The following LRMDA variants were observed in gnomAD, a reference collection of about 807,000 sequenced individuals.
LRMDA encodes the protein leucine-rich melanocyte differentiation-associated protein.
In LRMDA, 18 loss-of-function variants were observed where a neutral mutation model predicts 29.8. That is an observed-to-expected ratio of 0.60 (90% CI 0.42 to 0.90). The LOEUF (loss-of-function observed/expected upper bound fraction) is 0.90, where lower values mean the gene tolerates loss of function less well. Among genes scored for constraint, LRMDA ranks in the 40% least tolerant of loss-of-function variants. The probability of loss-of-function intolerance (pLI) is 0.00; values close to 1 mark genes in which losing one functional copy is unlikely to be tolerated. For synonymous variants in LRMDA, 125 were observed against 109.4 expected, an observed-to-expected ratio of 1.14 and a Z score of -0.89; for missense variants, 273 against 273.9, an observed-to-expected ratio of 1.00 and a Z score of 0.02.
At chr10:75,994,123 G>A (rs1459717065) in intron 2 of LRMDA, among the ~76,000 whole-genome samples, 1 of 152,198 alleles carries the variant, frequency 6.6e-6, no homozygotes, top group African/African-American at 2.4e-5. Context: ...ATAGATGAAT[G>A]ACAGAAGATG....
intron 2 of LRMDA, among the ~76,000 whole-genome samples, chr10:75,811,983 A>C (rs1037800618): frequency 6.6e-6 from 1 of 151,962 alleles, no homozygotes; most frequent in Non-Finnish European, 1.5e-5. Flanking sequence ...TGTGATGCCC[A>C]CCCTGGATTT....
chr10:76,377,864 C>CTT (rs1395369527), intron 6 of LRMDA, among the ~76,000 whole-genome samples: 1 of 152,042 alleles, frequency 6.6e-6, no homozygotes, highest in African/African-American at 2.4e-5. Flanking sequence ...TATTCAGTTT[C>CTT]TTTTTTGGTT....
chr10:75,819,922 TG>T lies in LRMDA; in HGVS notation c.132-216085del, dbSNP rs1262775094. 2.0e-5 allele frequency among the ~76,000 whole-genome samples: 3 copies of T among 152,322 alleles called. No individual in the cohort carries two copies. The East Asian group carries it at 5.8e-4, about 29-fold the overall frequency. On this transcript the variant is annotated intron_variant, in intron 2 of 6. Coordinates refer to ENST00000611255, the MANE Select transcript of LRMDA (RefSeq NM_001305581.2). ...ACCAAAGACGTAGTAGAAAAAAGGA[TG>T]TAAAATATCTCATCAGTAATCTTTT...
chr10:76,045,231 CTAGTTTCCCCCTCTGGT>C (rs1848414670), intron 3 of LRMDA, among the ~76,000 whole-genome samples: 1 of 147,084 alleles, frequency 6.8e-6, no homozygotes, highest in East Asian at 2.1e-4. Context: ...CCCTCTCTTG[CTAGTTTCCCCCTCTGGT>C]TAGTTTCCCT....
intron 6 of LRMDA, among the ~76,000 whole-genome samples, chr10:76,400,946 A>G (rs1235705854): frequency 6.6e-6 from 1 of 152,180 alleles, no homozygotes. Flanking sequence ...TCTGCATTAT[A>G]TGCTTACCTG....
chr10:75,814,747 A>G (rs1174019938), intron 2 of LRMDA, among the ~76,000 whole-genome samples: 1 of 152,228 alleles, frequency 6.6e-6, no homozygotes, highest in Non-Finnish European at 1.5e-5. Flanking sequence ...ACAGAGCTGT[A>G]TACACAGCAG....
chr10:76,239,429 A>T lies in LRMDA; in HGVS notation c.517-84972A>T, dbSNP rs1589389202. The stretch of plus-strand genomic sequence containing the variant: ...ATATTCTAATTTTCCCAGTTGTCTC[A>T]AAAATATCTTTTTGTATCCAGTTCG... On this transcript the variant is annotated intron_variant, in intron 5 of 6. Transcript: ENST00000611255. Among the ~76,000 whole-genome samples, 14 of 152,336 alleles carry T rather than the reference A, an allele frequency of 9.2e-5. 1 individual carries two copies. In the South Asian group the frequency reaches 2.9e-3, roughly 32 times the overall value.
chr10:76,080,984 C>T (rs1035054902), intron 5 of LRMDA, among the ~76,000 whole-genome samples: 15 of 152,298 alleles, frequency 9.8e-5, no homozygotes, highest in Admixed American at 2.6e-4. Flanking sequence ...GTGGGAAGCA[C>T]GGCTGTAACA....
intron 6 of LRMDA, among the ~76,000 whole-genome samples, chr10:76,447,920 G>A (rs1842369239): frequency 6.6e-6 from 1 of 151,946 alleles, no homozygotes; most frequent in Non-Finnish European, 1.5e-5. Context: ...TCTTGTATTG[G>A]GTATAGATAC....
chr10:76,142,489 C>G (rs1290069014), intron 5 of LRMDA, among the ~76,000 whole-genome samples: 3 of 147,554 alleles, frequency 2.0e-5, no homozygotes, highest in Non-Finnish European at 3.0e-5. Flanking sequence ...CTGTTTAAAA[C>G]TTTGGTAAAA....
At chr10:76,272,913 A>G (rs539703974) in intron 5 of LRMDA, among the ~76,000 whole-genome samples, 6 of 152,294 alleles carry the variant, frequency 3.9e-5, no homozygotes, top group African/African-American at 1.4e-4. Flanking sequence ...TGAGAACAGC[A>G]TGGAGGAAAC....
In LRMDA at chr10:75,521,042, C is replaced by G. The variant is rs185792944; in HGVS notation, c.131+82548C>G. On this transcript the variant is annotated intron_variant, in intron 2 of 6. Coordinates refer to ENST00000611255, the MANE Select transcript of LRMDA (RefSeq NM_001305581.2). ...CTGCAGAACAGTAAATATTGCAGAA[C>G]AGCAAATATTGCTGCCTGATCCTTC... is the stretch of plus-strand genomic sequence containing the variant. Among the ~76,000 whole-genome samples the G allele has an allele frequency of 3.7e-4, 57 of 152,322 alleles. 1 individual carries two copies. Among genetic ancestry groups the G allele is most frequent in the Admixed American group, 1.3e-3 (20 of 15,310 alleles).
intron 6 of LRMDA, among the ~76,000 whole-genome samples, chr10:76,521,157 G>T (rs1267533068): frequency 7.0e-6 from 1 of 142,694 alleles, no homozygotes. Flanking sequence ...TTTTTGAGAC[G>T]GAGTCTCGCT....
At chr10:75,644,076 A>G (rs1841484848) in intron 2 of LRMDA, among the ~76,000 whole-genome samples, 1 of 152,338 alleles carries the variant, frequency 6.6e-6, no homozygotes, top group East Asian at 1.9e-4. Flanking sequence ...TGTAAGCTGG[A>G]GATCTGGGAG....
chr10:75,937,595 A>G (rs1846319426), intron 2 of LRMDA, among the ~76,000 whole-genome samples: 2 of 152,208 alleles, frequency 1.3e-5, no homozygotes, highest in African/African-American at 4.8e-5. Context: ...AATTTCCATC[A>G]GTTAAGACAC....
chr10:75,997,810 G>T (rs902399890), intron 2 of LRMDA, among the ~76,000 whole-genome samples: 16 of 152,156 alleles, frequency 1.1e-4, no homozygotes, highest in Admixed American at 3.3e-4. Flanking sequence ...TTTGACTGTG[G>T]TTTGTGATAC....
chr10:76,339,361 A>G (rs75877748), intron 6 of LRMDA, among the ~76,000 whole-genome samples: 2,329 of 151,942 alleles, frequency 0.015, 29 homozygotes, highest in Non-Finnish European at 0.022. Flanking sequence ...ATGAGGAAAT[A>G]GTATACAGTA....
intron 3 of LRMDA, among the ~76,000 whole-genome samples, chr10:76,038,253 T>C (rs1564636157): frequency 6.6e-6 from 1 of 152,230 alleles, no homozygotes; most frequent in African/African-American, 2.4e-5. Flanking sequence ...GTTGGACTGG[T>C]CGATGGTTTT....
chr10:75,719,495 C>T (rs1181964499), intron 2 of LRMDA, among the ~76,000 whole-genome samples: 2 of 152,184 alleles, frequency 1.3e-5, no homozygotes, highest in African/African-American at 4.8e-5. Flanking sequence ...GTAGTGGTGT[C>T]CCAGAATTGT....
Sources: gnomAD v4.1 joint callset for allele counts (sites outside exome capture counted in the v4.1 genomes callset) on GRCh38, gnomAD v4.1.1 for gene constraint, MANE v1.5 for transcripts, NCBI Gene and HGNC (gene_info 2026-07-23, HGNC 2026-07-21) for gene names.